The following TRPM6 variants were observed in gnomAD, a reference collection of about 807,000 sequenced individuals.
TRPM6 encodes channel kinase 2.
Under a neutral mutation model 247.6 loss-of-function variants are expected in TRPM6, and 111 were observed. The observed-to-expected ratio is 0.45, with a 90% CI of 0.38 to 0.52. The LOEUF is 0.52. TRPM6 is among the 20% of genes least tolerant of loss of function. The probability of loss-of-function intolerance (pLI) is 0.00; values close to 1 mark genes in which losing one functional copy is unlikely to be tolerated. For missense variants in TRPM6, 2,126 were observed against 2,421.5 expected, an observed-to-expected ratio of 0.88 and a Z score of 2.56; for synonymous variants, 892 against 853.8, an observed-to-expected ratio of 1.04 and a Z score of -0.78.
chr9:74,728,855 T>A (rs1020729154), intron 37 of TRPM6, among the ~76,000 whole-genome samples: 1 of 152,246 alleles, frequency 6.6e-6, no homozygotes, highest in Non-Finnish European at 1.5e-5. Flanking sequence ...TCCTTACTCA[T>A]GGCTCTTTCA....
Position 74,825,058 on chromosome 9 carries a change from G to A in TRPM6, c.841+2720C>T, listed in dbSNP as rs181774180. 1.5e-4 allele frequency among the ~76,000 whole-genome samples: 23 copies of A among 152,236 alleles called. 1 individual carries two copies. Among genetic ancestry groups the A allele is most frequent in the Non-Finnish European group, 2.6e-4 (18 of 68,010 alleles). On this transcript the variant is annotated intron_variant, in intron 7 of 38. Transcript: ENST00000360774. ...GTGGATTACTTGAGGTCAGGAGTTC[G>A]AGACCAGCCTGGCCAACATGGTAAA...
intron 27 of TRPM6, among the ~76,000 whole-genome samples, chr9:74,761,231 C>A (rs190092208): frequency 5.1e-4 from 78 of 152,268 alleles, no homozygotes; most frequent in African/African-American, 1.9e-3. Context: ...AAAACACTTA[C>A]CATATGACTC....
At chr9:74,833,080 C>T (rs1829599418) in intron 6 of TRPM6, among the ~76,000 whole-genome samples, 1 of 151,950 alleles carries the variant, frequency 6.6e-6, no homozygotes. Flanking sequence ...TTAAAACAAC[C>T]CATAATCATG....
chr9:74,787,087 C>T (rs1827706021), intron 20 of TRPM6, among the ~76,000 whole-genome samples: 1 of 151,988 alleles, frequency 6.6e-6, no homozygotes, highest in Non-Finnish European at 1.5e-5. Flanking sequence ...GTAATCCCGA[C>T]ACTTTGGGAG....
chr9:74,753,110 C>CAAAAAA (rs35980332), intron 28 of TRPM6, among the ~76,000 whole-genome samples: 25 of 103,944 alleles, frequency 2.4e-4, no homozygotes, highest in East Asian at 3.3e-4. Flanking sequence ...GAGACTGTCT[C>CAAAAAA]AAAAAAAAAA....
At chr9:74,764,407 C>T (rs1228130131) in intron 25 of TRPM6, among the ~76,000 whole-genome samples, 3 of 152,054 alleles carry the variant, frequency 2.0e-5, no homozygotes, top group Non-Finnish European at 4.4e-5. Context: ...AGAGGGAAGA[C>T]GATATGAAGA....
intron 5 of TRPM6, among the ~76,000 whole-genome samples, chr9:74,837,994 C>T (rs1051013323): frequency 1.3e-5 from 2 of 152,082 alleles, no homozygotes; most frequent in African/African-American, 4.8e-5. Flanking sequence ...GGCAATTCAC[C>T]AGCCCTCAGC....
At chr9:74,733,326 A>C (rs1163454502) in intron 36 of TRPM6, among the ~76,000 whole-genome samples, 1 of 152,192 alleles carries the variant, frequency 6.6e-6, no homozygotes, top group Non-Finnish European at 1.5e-5. Flanking sequence ...AATTAAATGC[A>C]CTATAAAAAT....
At chr9:74,749,658 T>G (rs928623720) in intron 30 of TRPM6, among the ~76,000 whole-genome samples, 1 of 152,246 alleles carries the variant, frequency 6.6e-6, no homozygotes, top group Non-Finnish European at 1.5e-5. Context: ...CAGGCGAGTC[T>G]GAATAAATAC....
At chr9:74,887,369 G>C (rs1831569705) in intron 1 of TRPM6, 1 of 1,390,594 alleles carries the variant, frequency 7.2e-7, no homozygotes, top group South Asian at 1.7e-5. Context: ...GCTAGTCAGC[G>C]TCCGGGTCTG....
At chr9:74,761,250 C>T (rs748840612) in intron 27 of TRPM6, among the ~76,000 whole-genome samples, 38 of 152,130 alleles carry the variant, frequency 2.5e-4, no homozygotes, top group Non-Finnish European at 4.9e-4. Context: ...TCTGACATTC[C>T]GTTCCTAAGT....
intron 36 of TRPM6, chr9:74,737,568 A>G (rs1033613673): frequency 4.7e-5 from 26 of 552,816 alleles, no homozygotes; most frequent in African/African-American, 4.1e-4. Context: ...AAAAGAAAAG[A>G]ACAGGGATGT....
intron 3 of TRPM6, among the ~76,000 whole-genome samples, chr9:74,850,430 C>A (rs887373081): frequency 6.7e-6 from 1 of 148,308 alleles, no homozygotes; most frequent in African/African-American, 2.5e-5. Flanking sequence ...ATGTAAAAAC[C>A]AACGTAAGGC....
chr9:74,793,225 A>G (rs1827970386), intron 18 of TRPM6, among the ~76,000 whole-genome samples: 1 of 152,222 alleles, frequency 6.6e-6, no homozygotes, highest in Admixed American at 6.5e-5. Context: ...AGAAAACTGC[A>G]TGTACTGTAT....
intron 1 of TRPM6, among the ~76,000 whole-genome samples, chr9:74,869,006 T>A (rs940536220): frequency 6.6e-6 from 1 of 152,162 alleles, no homozygotes; most frequent in Non-Finnish European, 1.5e-5. Context: ...AATGTTTGCA[T>A]CATTATCAAA....
chr9:74,738,322 C>T (rs1442936478), intron 36 of TRPM6, 85 bp downstream of exon 36: 2 of 1,407,250 alleles, frequency 1.4e-6, no homozygotes, highest in Admixed American at 3.4e-5. Context: ...TAGAGCAACT[C>T]CATATATTAC....
intron 31 of TRPM6, among the ~76,000 whole-genome samples, chr9:74,746,213 T>C (rs1273211500): frequency 2.0e-5 from 3 of 149,158 alleles, no homozygotes; most frequent in Non-Finnish European, 4.4e-5. Flanking sequence ...CACTGCAGCC[T>C]GGGCGACAAA....
At chr9:74,742,995 C>T (rs1370566717) in intron 32 of TRPM6, among the ~76,000 whole-genome samples, 1 of 152,188 alleles carries the variant, frequency 6.6e-6, no homozygotes, top group East Asian at 1.9e-4. Flanking sequence ...GCACGGTGGG[C>T]TGTGGGGACA....
chr9:74,845,959 T>A (rs575956721), intron 3 of TRPM6, among the ~76,000 whole-genome samples: 191 of 152,156 alleles, frequency 1.3e-3, no homozygotes, highest in Non-Finnish European at 2.1e-3. Flanking sequence ...CTCTCTGACA[T>A]TTTGGGATGG....
Sources: gnomAD v4.1 joint callset for allele counts (sites outside exome capture counted in the v4.1 genomes callset) on GRCh38, gnomAD v4.1.1 for gene constraint, MANE v1.5 for transcripts, NCBI Gene and HGNC (gene_info 2026-07-23, HGNC 2026-07-21) for gene names.